Variants in FAM3D observed in about 807,000 individuals in gnomAD.
FAM3D encodes the protein protein FAM3D.
A neutral mutation model predicts 29.8 loss-of-function variants in FAM3D; 26 were observed. That is an observed-to-expected ratio of 0.87 (90% CI 0.64 to 1.21). FAM3D has a LOEUF of 1.21. FAM3D is among the 50% of genes most tolerant of loss of function. The pLI is 0.00. For synonymous variants in FAM3D, 115 were observed against 102.3 expected (o/e 1.12, Z -0.75); for missense variants, 253 against 290.9 (o/e 0.87, Z 0.95).
chr3:58,638,135 C>T (rs2066227871), intron 7 of FAM3D, among the ~76,000 whole-genome samples: 1 of 152,192 alleles, frequency 6.6e-6, no homozygotes, highest in African/African-American at 2.4e-5. Flanking sequence ...CTGCCTGTCT[C>T]GACCTCCCAA....
rs1266225683 is a variant in FAM3D, at chr3:58,634,994, G to A, written c.586-626C>T. Among the ~76,000 whole-genome samples the A allele has an allele frequency of 1.3e-5, 2 of 152,122 alleles. No homozygotes were observed. The highest frequency in any genetic ancestry group is 4.8e-5 in the African/African-American group (2 of 41,416). ...AGTTCAAGACCAGCCTGGGCAACAT[G>A]GGAGACCCTGTCTCTAGAAAACATA... On this transcript the variant is annotated intron_variant, in intron 9 of 9. Coordinates refer to ENST00000358781, the MANE Select transcript of FAM3D (RefSeq NM_138805.3). This position sits in a 1 kb window ranked among gnomAD's most constrained non-coding sequence, Gnocchi z 4.6.
intron 2 of FAM3D, among the ~76,000 whole-genome samples, chr3:58,654,130 A>C (rs2066722820): frequency 6.6e-6 from 1 of 152,186 alleles, no homozygotes; most frequent in South Asian, 2.1e-4. Flanking sequence ...GGGAGGCCTG[A>C]GAACTGCAGT....
At chr3:58,636,086 T>C (rs769425772) in intron 9 of FAM3D, among the ~76,000 whole-genome samples, 3 of 152,268 alleles carry the variant, frequency 2.0e-5, no homozygotes, top group Non-Finnish European at 4.4e-5. Context: ...TGCGTATCTA[T>C]ATATGACCCA....
At chr3:58,637,949 A>C (rs1184332370) in intron 7 of FAM3D, among the ~76,000 whole-genome samples, 1 of 151,862 alleles carries the variant, frequency 6.6e-6, no homozygotes, top group Non-Finnish European at 1.5e-5. Flanking sequence ...CAATGGCGCG[A>C]TCTGCGCTCA....
At chr3:58,652,011 C>A (rs1022425979) in intron 3 of FAM3D, among the ~76,000 whole-genome samples, 1 of 152,164 alleles carries the variant, frequency 6.6e-6, no homozygotes, top group Non-Finnish European at 1.5e-5. Context: ...CCTTAGGAAG[C>A]TGGGAGAGGC....
At chr3:58,641,555 G>A (rs1015896797) in intron 6 of FAM3D, among the ~76,000 whole-genome samples, 6 of 151,936 alleles carry the variant, frequency 3.9e-5, no homozygotes, top group African/African-American at 1.5e-4. Context: ...GGGCGGATTC[G>A]GGGGGTGGTT....
Position 58,645,557 on chromosome 3 carries a change from C to G in FAM3D, c.215G>C (p.Ser72Thr). 6.2e-7 allele frequency: 1 copy of G among 1,614,232 alleles called. No individual in the cohort carries two copies. The highest frequency in any genetic ancestry group is 8.5e-7 in the Non-Finnish European group (1 of 1,180,040). Residue 72 changes from serine to threonine, a missense_variant, in exon 5 of 10, where the codon AGT becomes ACT. Ser to Thr is a moderately conservative substitution (Grantham distance 58). Transcript: ENST00000358781. ...PANYFAFKIC[S>T]GAANVVGPTM... is the part of the protein sequence containing the mutation. ...AGGGCCCACGACGTTGGCGGCCCCA[C>G]TGCAGATTTTAAACGCAAAGTAGTT...
At position 58,653,851 on chromosome 3, in the gene FAM3D, C is replaced by A. The variant is rs556235777; in HGVS notation, c.14-70G>T. 7.4e-5 allele frequency: 88 copies of A among 1,184,698 alleles called. No individual in the cohort carries two copies. In the African/African-American group the frequency reaches 1.2e-3, roughly 16 times the overall value. 73.4% of individuals were successfully genotyped at this position (1,184,698 alleles called of 1,614,324 possible). A position where few individuals can be genotyped will look rare whatever the true frequency, so the allele number is the denominator to read the frequency against. On this transcript the variant is annotated intron_variant, in intron 2 of 9. Transcript: ENST00000358781. ...CACATTGCAAGACCACGTGTGAGTT[C>A]TTCCCAAATCCCACAGACCCCATGC... is the stretch of plus-strand genomic sequence containing the variant.
At chr3:58,638,670 C>T (rs1249651646) in intron 7 of FAM3D, among the ~76,000 whole-genome samples, 1 of 152,226 alleles carries the variant, frequency 6.6e-6, no homozygotes, top group Non-Finnish European at 1.5e-5. Flanking sequence ...CCCCGTGTGA[C>T]TGCCCTGTCC....
At chr3:58,660,134 A>C (rs987371616) in intron 1 of FAM3D, among the ~76,000 whole-genome samples, 1 of 152,232 alleles carries the variant, frequency 6.6e-6, no homozygotes, top group Non-Finnish European at 1.5e-5. Flanking sequence ...CAAAAGAAAG[A>C]GACAAGACTG....
chr3:58,654,378 C>G (rs73082231), intron 2 of FAM3D, among the ~76,000 whole-genome samples: 6,348 of 152,316 alleles, frequency 0.042, 205 homozygotes, highest in Non-Finnish European at 0.066. Context: ...GGCTGCCCCC[C>G]ACAGTTTCCA....
chr3:58,639,344 C>T (rs528664400), intron 7 of FAM3D, among the ~76,000 whole-genome samples: 1 of 152,204 alleles, frequency 6.6e-6, no homozygotes, highest in Non-Finnish European at 1.5e-5. Flanking sequence ...ATAGCTGCCT[C>T]TATGTCACAG....
chr3:58,645,689 G>A, intron 4 of FAM3D, 63 bp from the exon 5 acceptor site: 1 of 1,429,348 alleles, frequency 7.0e-7, no homozygotes, highest in Non-Finnish European at 9.9e-7. Context: ...GGGAGAAGGA[G>A]GGGAGGGCCA....
At position 58,635,836 on chromosome 3, in the gene FAM3D, T is replaced by G. The variant is rs1326431964; in HGVS notation, c.585+458A>C. Among the ~76,000 whole-genome samples, 1 of 152,086 alleles carries G rather than the reference T, an allele frequency of 6.6e-6. No homozygotes were observed. The highest frequency in any genetic ancestry group is 1.5e-5 in the Non-Finnish European group (1 of 68,030). ...CCCTGCACCTGCCCCCTCCAGCACC[T>G]CTTGTCTGATGATGGCATCGGCCTC... is the stretch of plus-strand genomic sequence containing the variant. On this transcript the variant is annotated intron_variant, in intron 9 of 9. Coordinates refer to ENST00000358781, the MANE Select transcript of FAM3D (RefSeq NM_138805.3). This position sits in a 1 kb window ranked among gnomAD's most constrained non-coding sequence, Gnocchi z 5.2.
At chr3:58,650,753 C>T (rs530162140) in intron 3 of FAM3D, among the ~76,000 whole-genome samples, 2 of 152,176 alleles carry the variant, frequency 1.3e-5, no homozygotes, top group Admixed American at 6.5e-5. Context: ...AGTCTCGCTC[C>T]GTCGCCCAGG....
chr3:58,664,617 G>A (rs1042050901), intron 1 of FAM3D, among the ~76,000 whole-genome samples: 2 of 152,178 alleles, frequency 1.3e-5, no homozygotes, highest in Non-Finnish European at 2.9e-5. Flanking sequence ...GATAAGGGAG[G>A]GTCAGACAAG....
rs546684678 is a variant in FAM3D at position 58,635,251 on chromosome 3, T to C, written c.586-883A>G. On this transcript the variant is annotated intron_variant, in intron 9 of 9. Transcript: ENST00000358781. This position sits in a 1 kb window ranked among gnomAD's most constrained non-coding sequence, Gnocchi z 5.2. The stretch of plus-strand genomic sequence containing the variant: ...GGATTGTGTCTAAAATGCTCAGGTT[T>C]GGATTATGAAAGAAAAAAACGTAAA... Among the ~76,000 whole-genome samples the C allele has an allele frequency of 6.6e-6, 1 of 152,300 alleles. No individual in the cohort carries two copies. Among genetic ancestry groups the C allele is most frequent in the East Asian group, 1.9e-4 (1 of 5,180 alleles).
intron 3 of FAM3D, among the ~76,000 whole-genome samples, chr3:58,650,606 A>G (rs868200722): frequency 6.6e-6 from 1 of 151,890 alleles, no homozygotes; most frequent in Non-Finnish European, 1.5e-5. Flanking sequence ...TTCATGGGAG[A>G]CTCCTGGATT....
chr3:58,664,440 G>A (rs2066991522), intron 1 of FAM3D, among the ~76,000 whole-genome samples: 1 of 152,168 alleles, frequency 6.6e-6, no homozygotes, highest in African/African-American at 2.4e-5. Context: ...CCAGTTCCAT[G>A]CAGACTGCCT....
Sources: gnomAD v4.1 joint callset for allele counts (sites outside exome capture counted in the v4.1 genomes callset) on GRCh38, gnomAD v4.1.1 for gene constraint, Gnocchi (gnomAD v3.1) non-coding constraint, MANE v1.5 for transcripts, NCBI Gene and HGNC (gene_info 2026-07-23, HGNC 2026-07-21) for gene names.